DNAH2: variants seen among roughly 807,000 people sequenced by gnomAD.
DNAH2 encodes the protein axonemal beta dynein heavy chain 2.
DNAH2 carries 323 observed loss-of-function variants against 523.5 expected under a neutral mutation model. The ratio of observed to expected loss-of-function variants is 0.62; its 90% CI spans 0.56 to 0.68. The LOEUF (loss-of-function observed/expected upper bound fraction) is 0.68, where lower values mean the gene tolerates loss of function less well. Among genes scored for constraint, DNAH2 ranks in the 30% least tolerant of loss-of-function variants. The pLI, the probability that DNAH2 is intolerant of heterozygous loss-of-function variation, is 0.00. For missense variants in DNAH2, 4,907 were observed against 5,701.5 expected (o/e 0.86, Z 4.49); for synonymous variants, 2,093 against 2,177.4 (o/e 0.96, Z 1.08).
chr17:7,739,522 T>C (rs2075244089), intron 8 of DNAH2, among the ~76,000 whole-genome samples: 1 of 152,170 alleles, frequency 6.6e-6, no homozygotes, highest in Non-Finnish European at 1.5e-5. Flanking sequence ...CCCTACTATT[T>C]CATATTTCAT....
chr17:7,776,238 G>GTA, intron 31 of DNAH2, 89 bp downstream of exon 31: 13 of 1,477,336 alleles, frequency 8.8e-6, no homozygotes, highest in South Asian at 5.0e-5. Context: ...GGCCGAGGTG[G>GTA]GCAGATCACT....
rs773391149 is a variant in DNAH2 at position 7,791,922 on chromosome 17, C to G, written c.6906C>G (p.Asn2302Lys). 14 of 1,613,142 alleles carry G rather than the reference C, an allele frequency of 8.7e-6. No homozygotes were observed. The Admixed American group carries it at 2.2e-4, about 25-fold the overall frequency. Residue 2302 changes from asparagine (N) to lysine (K), a missense_variant, in exon 45 of 86, where the codon AAC (asparagine) becomes AAG (lysine). By Grantham distance (94) the Asn-to-Lys change is moderately conservative (BLOSUM62 0). Coordinates refer to ENST00000572933, the MANE Select transcript of DNAH2 (RefSeq NM_020877.5). ...TCTTCTCGTTCTCCATCCAGGTGAA[C>G]CCAGCTGACGGCGAGAACTATGTCA... ...SALATPENGVNPADGENYVTM... is the reference protein window; with the variant it reads ...SALATPENGVKPADGENYVTM...
intron 8 of DNAH2, among the ~76,000 whole-genome samples, chr17:7,739,371 A>G (rs1296891006): frequency 6.6e-6 from 1 of 152,176 alleles, no homozygotes; most frequent in Non-Finnish European, 1.5e-5. Flanking sequence ...ATGCCACTGC[A>G]CTCCAGCCTG....
intron 72 of DNAH2, among the ~76,000 whole-genome samples, chr17:7,820,308 C>A (rs998527995): frequency 6.6e-6 from 1 of 152,150 alleles, no homozygotes; most frequent in Admixed American, 6.5e-5. Flanking sequence ...TCTCAACCCA[C>A]CCTCCTGTAT....
chr17:7,719,220 C>T lies in DNAH2; in HGVS notation c.-15+421C>T, dbSNP rs150257308. ...TTGGCTCACTGCAGCCTCTACCTCT[C>T]GGGTTCAAGAGATTCTCCTGCCTCA... On this transcript the variant is annotated intron_variant, in intron 1 of 85. Coordinates refer to ENST00000572933, the MANE Select transcript of DNAH2 (RefSeq NM_020877.5). Among the ~76,000 whole-genome samples, 1,010 of 151,150 alleles carry T rather than the reference C, an allele frequency of 6.7e-3. 10 individuals carry two copies. Among genetic ancestry groups the T allele is most frequent in the African/African-American group, 0.023 (964 of 41,114 alleles).
chr17:7,747,321 T>C (rs2075546178), intron 12 of DNAH2, among the ~76,000 whole-genome samples: 1 of 152,186 alleles, frequency 6.6e-6, no homozygotes, highest in African/African-American at 2.4e-5. Flanking sequence ...TCTTTCATTC[T>C]GTATGTATAG....
intron 61 of DNAH2, among the ~76,000 whole-genome samples, chr17:7,806,703 C>G (rs1329953792): frequency 6.7e-6 from 1 of 148,838 alleles, no homozygotes; most frequent in Non-Finnish European, 1.5e-5. Flanking sequence ...TGTATTGCTG[C>G]ATCCAAGGGC....
intron 14 of DNAH2, 37 bp from the exon 15 acceptor site, chr17:7,758,848 C>G: frequency 6.2e-7 from 1 of 1,609,374 alleles, no homozygotes; most frequent in Non-Finnish European, 8.5e-7. Flanking sequence ...GGTCTCTTCC[C>G]GAGCTGAAAC....
Position 7,824,375 on chromosome 17 carries a change from T to C in DNAH2, c.11662+71T>C, listed in dbSNP as rs758812487. 102 of 1,477,404 alleles carry C rather than the reference T, an allele frequency of 6.9e-5. No individual in the cohort carries two copies. In the Middle Eastern group the frequency reaches 1.0e-3, roughly 15 times the overall value. The allele number at this position is 1,477,404 out of a possible 1,614,324, so 91.5% of individuals were successfully genotyped here. A position where few individuals can be genotyped will look rare whatever the true frequency, so the allele number is the denominator to read the frequency against. On this transcript the variant is annotated intron_variant, in intron 76 of 85. Coordinates refer to ENST00000572933, the MANE Select transcript of DNAH2 (RefSeq NM_020877.5). ...TGTCCCTAGAACCTCCAACCTCAAT[T>C]ACACTACTGTCCCTGTACCTCCCAC...
intron 24 of DNAH2, among the ~76,000 whole-genome samples, chr17:7,768,918 T>TAC (rs1372033846): frequency 6.6e-6 from 1 of 152,264 alleles, no homozygotes; most frequent in Non-Finnish European, 1.5e-5. Flanking sequence ...TTTGTATATA[T>TAC]ACACCACATT....
intron 73 of DNAH2, among the ~76,000 whole-genome samples, chr17:7,822,155 G>C (rs1342715290): frequency 6.6e-6 from 1 of 152,192 alleles, no homozygotes. Context: ...ATTTTTTGTA[G>C]AGGCGGGGTC....
At position 7,777,618 on chromosome 17, in the gene DNAH2, G is replaced by A. The variant is rs2076491641; in HGVS notation, c.5231G>A (p.Arg1744Gln). The A allele has an allele frequency of 1.2e-6, 2 of 1,614,054 alleles. No individual in the cohort carries two copies. Among genetic ancestry groups the A allele is most frequent in the Non-Finnish European group, 1.7e-6 (2 of 1,179,990 alleles). The change falls in exon 33 of 86, where the codon CGG becomes CAG. Residue 1744 changes from arginine (R) to glutamine (Q), a missense_variant. Physicochemically the swap from Arg to Gln is conservative, Grantham distance 43. Coordinates refer to ENST00000572933, the MANE Select transcript of DNAH2 (RefSeq NM_020877.5). ...TCCTTTGACTGGCTCAGCCAACTTC[G>A]GTTCTACTGGGAGAAGGTGCCAGAT... ...VNSFDWLSQL[R>Q]FYWEKDLDDC... is the part of the protein sequence containing the mutation.
In DNAH2 at chr17:7,786,470, G is replaced by A. The variant is rs1334279696; in HGVS notation, c.6349-100G>A. 5 of 1,466,094 alleles carry A rather than the reference G, an allele frequency of 3.4e-6. No individual in the cohort carries two copies. Among genetic ancestry groups the A allele is most frequent in the African/African-American group, 2.8e-5 (2 of 71,972 alleles). The allele number at this position is 1,466,094 out of a possible 1,614,324, so 90.8% of individuals were successfully genotyped here. On this transcript the variant is annotated intron_variant, in intron 40 of 85. Coordinates refer to ENST00000572933, the MANE Select transcript of DNAH2 (RefSeq NM_020877.5). The surrounding 1 kb of genome is among the most constrained non-coding windows in gnomAD (Gnocchi z 7.5). ...ACCTGGGACCATGGTGGCCTGGAGC[G>A]ATGAGAGAAGGGACAAATGCACGTA...
chr17:7,825,222 A>G lies in DNAH2; in HGVS notation c.11853+495A>G, dbSNP rs554548714. 2.0e-5 allele frequency among the ~76,000 whole-genome samples: 3 copies of G among 152,252 alleles called. No homozygotes were observed. The East Asian group carries it at 5.8e-4, about 29-fold the overall frequency. ...CTCTACTGAAATTTTTATCTCCAAT[A>G]TCACAAGCTCATCACCAAATGCAAT... On this transcript the variant is annotated intron_variant, in intron 77 of 85. Coordinates refer to ENST00000572933, the MANE Select transcript of DNAH2 (RefSeq NM_020877.5).
At chr17:7,817,463 G>A (rs768616234) in intron 65 of DNAH2, 48 bp downstream of exon 65, 1 of 1,613,236 alleles carries the variant, frequency 6.2e-7, no homozygotes, top group Non-Finnish European at 8.5e-7. Context: ...ACCAGGGCTG[G>A]GGGCAGGACC....
intron 24 of DNAH2, among the ~76,000 whole-genome samples, 178 bp from the exon 25 acceptor site, chr17:7,770,074 G>A (rs913250659): frequency 6.6e-6 from 1 of 152,214 alleles, no homozygotes; most frequent in Non-Finnish European, 1.5e-5. Context: ...CACTCCTGGA[G>A]GGTTTCACCT....
Position 7,831,446 on chromosome 17 carries a change from G to A in DNAH2, c.12516G>A (p.Glu4172=), listed in dbSNP as rs1489892546. ...KQKIPEMIDY[E]GTQKLLALDP... ...AGATCCCTGAAATGATCGACTATGA[G>A]GGGACTCAAAAACTGCTAGCTCTCG... The change falls in exon 81 of 86, where the codon GAG becomes GAA. Residue 4172 remains glutamate, a synonymous_variant. Coordinates refer to ENST00000572933, the MANE Select transcript of DNAH2 (RefSeq NM_020877.5). The surrounding 1 kb of genome is among the most constrained non-coding windows in gnomAD (Gnocchi z 4.2). 6.2e-7 allele frequency: 1 copy of A among 1,614,094 alleles called. No individual in the cohort carries two copies. Among genetic ancestry groups the A allele is most frequent in the East Asian group, 2.2e-5 (1 of 44,886 alleles).
chr17:7,738,496 A>AT (rs1414724554), intron 8 of DNAH2, among the ~76,000 whole-genome samples: 2 of 151,800 alleles, frequency 1.3e-5, no homozygotes, highest in African/African-American at 4.8e-5. Flanking sequence ...TGCCAGGCTA[A>AT]TTTTTTGTAT....
In DNAH2 at chr17:7,817,608, C is replaced by T. The variant is rs1385903385; in HGVS notation, c.10068C>T (p.Asn3356=). The stretch of plus-strand genomic sequence containing the variant: ...GCTCCCCTTCTTTCGCCATCGATAA[C>T]TTCCTGTGCAATCCTACCAAAGTCC... ...VPCSPSFAID[N]FLCNPTKVRD... Residue 3356 remains asparagine, a synonymous_variant, in exon 66 of 86, where the codon AAC becomes AAT. Transcript: ENST00000572933. The T allele has an allele frequency of 1.2e-6, 2 of 1,614,066 alleles. No homozygotes were observed. Among genetic ancestry groups the T allele is most frequent in the African/African-American group, 2.7e-5 (2 of 74,916 alleles).
Sources: allele counts gnomAD v4.1 joint callset (sites outside exome capture counted in the v4.1 genomes callset), GRCh38; gene constraint gnomAD v4.1.1; non-coding constraint Gnocchi (gnomAD v3.1); transcripts MANE v1.5; gene names NCBI Gene and HGNC (gene_info 2026-07-23, HGNC 2026-07-21).